Variants in RUBCN observed in about 807,000 individuals in gnomAD.
RUBCN encodes the protein run domain Beclin-1-interacting and cysteine-rich domain-containing protein.
In RUBCN, 74 loss-of-function variants were observed where a neutral mutation model predicts 113.2. That is an observed-to-expected ratio of 0.65 (90% CI 0.54 to 0.79). The LOEUF (loss-of-function observed/expected upper bound fraction) is 0.79, where lower values mean the gene tolerates loss of function less well. Among genes scored for constraint, RUBCN ranks in the 30% least tolerant of loss-of-function variants. The pLI is 0.00. For missense variants in RUBCN, 1,109 were observed against 1,251.7 expected, an observed-to-expected ratio of 0.89 and a Z score of 1.72; for synonymous variants, 480 against 490.0, an observed-to-expected ratio of 0.98 and a Z score of 0.27.
Position 197,675,126 on chromosome 3 carries a change from G to T in RUBCN, c.2811C>A (p.Ala937=). ...TCTGCCTGGCCAGTGCCTCCCGCCG[G>T]GCCTGCAGCCGCTCGCAGCGCGGAC... ...GSCPRCERLQ[A]RREALARQSL... is the part of the protein sequence containing the mutation. Residue 937 remains alanine, a synonymous_variant, in exon 20 of 20, where the codon GCC becomes GCA. Coordinates refer to ENST00000296343, the MANE Select transcript of RUBCN (RefSeq NM_014687.4). This position sits in a 1 kb window ranked among gnomAD's most constrained non-coding sequence, Gnocchi z 4.4. The T allele has an allele frequency of 5.6e-6, 9 of 1,613,876 alleles. No homozygotes were observed. The highest frequency in any genetic ancestry group is 7.6e-6 in the Non-Finnish European group (9 of 1,180,040).
In RUBCN at chr3:197,675,008, C is replaced by A; in HGVS notation, c.*10G>T. ...GACCCGGCCCGGAGGGAGGGCTGCA[C>A]GTGCTTTCTTCAGGTGGCCTCCAGG... is the stretch of plus-strand genomic sequence containing the variant. On this transcript the variant is annotated 3_prime_UTR_variant, in exon 20 of 20. Coordinates refer to ENST00000296343, the MANE Select transcript of RUBCN (RefSeq NM_014687.4). The surrounding 1 kb of genome is among the most constrained non-coding windows in gnomAD (Gnocchi z 4.4). The A allele has an allele frequency of 6.2e-7, 1 of 1,610,626 alleles. No homozygotes were observed. Among genetic ancestry groups the A allele is most frequent in the Non-Finnish European group, 8.5e-7 (1 of 1,179,814 alleles).
intron 1 of RUBCN, among the ~76,000 whole-genome samples, chr3:197,731,140 G>C (rs1431215396): frequency 4.0e-5 from 6 of 151,392 alleles, no homozygotes; most frequent in African/African-American, 1.5e-4. Context: ...AGGACCCTGC[G>C]GCCTTCCGCA....
Position 197,675,374 on chromosome 3 carries a change from G to T in RUBCN, c.2740+48C>A. 1 of 1,558,878 alleles carries T rather than the reference G, an allele frequency of 6.4e-7. No homozygotes were observed. The highest frequency in any genetic ancestry group is 8.8e-7 in the Non-Finnish European group (1 of 1,131,406). On this transcript the variant is annotated intron_variant, in intron 19 of 19. Transcript: ENST00000296343. The surrounding 1 kb of genome is among the most constrained non-coding windows in gnomAD (Gnocchi z 4.4). ...ACAGGGGTGGCTCTGGGGAATCAAG[G>T]AGCCCTGTGTTCAGGCTCACTTGCC...
intron 1 of RUBCN, among the ~76,000 whole-genome samples, chr3:197,731,037 C>T (rs906456374): frequency 6.6e-6 from 1 of 151,454 alleles, no homozygotes; most frequent in Admixed American, 6.6e-5. Context: ...GGGTGTTTCT[C>T]GCAGAGGGGG....
intron 2 of RUBCN, among the ~76,000 whole-genome samples, chr3:197,706,394 C>G (rs1296930862): frequency 6.6e-6 from 1 of 152,060 alleles, no homozygotes; most frequent in Non-Finnish European, 1.5e-5. Context: ...TATCAAGAGA[C>G]AGACCAGGCC....
chr3:197,732,920 C>T (rs1378587035), intron 1 of RUBCN, among the ~76,000 whole-genome samples: 1 of 152,120 alleles, frequency 6.6e-6, no homozygotes, highest in African/African-American at 2.4e-5. Context: ...GGGGTGGATT[C>T]GACATTTTTC....
intron 6 of RUBCN, 65 bp from the exon 7 acceptor site, chr3:197,701,211 G>A (rs1337490146): frequency 7.3e-7 from 1 of 1,368,302 alleles, no homozygotes; most frequent in Non-Finnish European, 9.8e-7. Flanking sequence ...TATGTATGAA[G>A]GACTGGGTGA....
At position 197,673,096 on chromosome 3, in the gene RUBCN, A is replaced by T. The variant is rs1719952424; in HGVS notation, c.*1922T>A. 1 of 152,222 alleles carries T rather than the reference A, an allele frequency of 6.6e-6. No individual in the cohort carries two copies. The highest frequency in any genetic ancestry group is 1.5e-5 in the Non-Finnish European group (1 of 68,050). 9.4% of individuals were successfully genotyped at this position (152,222 alleles called of 1,614,324 possible). A position where few individuals can be genotyped will look rare whatever the true frequency, so the allele number is the denominator to read the frequency against. On this transcript the variant is annotated 3_prime_UTR_variant, in exon 20 of 20. Coordinates refer to ENST00000296343, the MANE Select transcript of RUBCN (RefSeq NM_014687.4). ...AGTTAAACTTGAGTTCTGTGGGGTC[A>T]TTCTTAAAGCTCCCTGAAGGACCTG...
chr3:197,691,213 T>G, intron 11 of RUBCN: 1 of 831,632 alleles, frequency 1.2e-6, no homozygotes, highest in Non-Finnish European at 1.7e-6. Context: ...TAATATTCTA[T>G]ACCATATGTT....
rs1217002113 is a variant in RUBCN, at chr3:197,671,994, C to T, written c.*3024G>A. 2 of 152,180 alleles carry T rather than the reference C, an allele frequency of 1.3e-5. No individual in the cohort carries two copies. Among genetic ancestry groups the T allele is most frequent in the Non-Finnish European group, 2.9e-5 (2 of 68,028 alleles). The allele number at this position is 152,180 out of a possible 1,614,324, so 9.4% of individuals were successfully genotyped here. A position where few individuals can be genotyped will look rare whatever the true frequency, so the allele number is the denominator to read the frequency against. On this transcript the variant is annotated 3_prime_UTR_variant, in exon 20 of 20. Transcript: ENST00000296343. Reference sequence around the variant, plus strand: ...ACAGTCAAGGCAGGCTGACGAAAGACAGAATTTTATTTCCTTAGTTTATTA... The same window carrying T: ...ACAGTCAAGGCAGGCTGACGAAAGATAGAATTTTATTTCCTTAGTTTATTA...
At chr3:197,725,218 T>C (rs975740809) in intron 1 of RUBCN, among the ~76,000 whole-genome samples, 15 of 152,026 alleles carry the variant, frequency 9.9e-5, no homozygotes, top group African/African-American at 3.4e-4. Flanking sequence ...CTCCTTCAGG[T>C]AGAAAAAATA....
chr3:197,740,881 A>G (rs945342513), upstream of RUBCN, among the ~76,000 whole-genome samples: 1 of 152,168 alleles, frequency 6.6e-6, no homozygotes, highest in African/African-American at 2.4e-5. Flanking sequence ...TCAGCCTCCC[A>G]AAGTGCTGGG....
At chr3:197,742,808 C>CA (rs2109023543) in intron 1 of RUBCN, among the ~76,000 whole-genome samples, 1 of 152,348 alleles carries the variant, frequency 6.6e-6, no homozygotes, top group Non-Finnish European at 1.5e-5. Context: ...TCCTGGACTA[C>CA]AAATCCATCC....
chr3:197,718,196 A>G, intron 1 of RUBCN, 66 bp from the exon 2 acceptor site: 2 of 1,588,472 alleles, frequency 1.3e-6, no homozygotes, highest in Non-Finnish European at 1.7e-6. Context: ...ATCATATCAA[A>G]GAAAGTCTAA....
chr3:197,731,489 C>T (rs1040675488), intron 1 of RUBCN, among the ~76,000 whole-genome samples: 1 of 152,234 alleles, frequency 6.6e-6, no homozygotes, highest in Non-Finnish European at 1.5e-5. Context: ...CATCATGGCC[C>T]GTTCTCAATG....
chr3:197,695,754 C>A (rs1722930145), intron 9 of RUBCN, 112 bp downstream of exon 9: 1 of 968,826 alleles, frequency 1.0e-6, no homozygotes, highest in African/African-American at 1.6e-5. Context: ...TTACCGTGAA[C>A]TTATCTTTAC....
chr3:197,736,774 C>A lies in RUBCN; in HGVS notation c.-55G>T. 6.6e-7 allele frequency: 1 copy of A among 1,513,996 alleles called. No individual in the cohort carries two copies. The highest frequency in any genetic ancestry group is 1.2e-5 in the South Asian group (1 of 82,220). The allele number at this position is 1,513,996 out of a possible 1,614,324, so 93.8% of individuals were successfully genotyped here. On this transcript the variant is annotated 5_prime_UTR_variant, in exon 1 of 20. In the 5' UTR this introduces an upstream ATG that the reference lacks. Transcript: ENST00000296343. ...AGAGAGGCGTCCCTGCCGCTTCGCC[C>A]TTCAGGGCTCCCGGGGCCCCCTGGG...
intron 1 of RUBCN, among the ~76,000 whole-genome samples, chr3:197,728,282 CT>C (rs34330816): frequency 6.6e-6 from 1 of 152,204 alleles, no homozygotes; most frequent in Non-Finnish European, 1.5e-5. Flanking sequence ...GCTTAGAGTC[CT>C]TGCAGTCCCC....
chr3:197,699,541 C>G (rs1723404524), intron 7 of RUBCN, among the ~76,000 whole-genome samples: 1 of 152,170 alleles, frequency 6.6e-6, no homozygotes, highest in Non-Finnish European at 1.5e-5. Flanking sequence ...GTATGGCAGA[C>G]ATCAGGCCTG....
Sources: allele counts gnomAD v4.1 joint callset (sites outside exome capture counted in the v4.1 genomes callset), GRCh38; gene constraint gnomAD v4.1.1; non-coding constraint Gnocchi (gnomAD v3.1); transcripts MANE v1.5; gene names NCBI Gene and HGNC (gene_info 2026-07-23, HGNC 2026-07-21).